PHACTR3: variants seen among roughly 807,000 people sequenced by gnomAD.
PHACTR3 encodes protein phosphatase 1, regulatory subunit 123.
In PHACTR3, 16 loss-of-function variants were observed where a neutral mutation model predicts 66.8. The ratio of observed to expected loss-of-function variants is 0.24; its 90% CI spans 0.16 to 0.36. PHACTR3 has a LOEUF of 0.36. PHACTR3 is among the 10% of genes least tolerant of loss of function. PHACTR3 has a pLI of 1.00. For missense variants in PHACTR3, 647 were observed against 719.9 expected, an observed-to-expected ratio of 0.90 and a Z score of 1.16; for synonymous variants, 323 against 292.1, an observed-to-expected ratio of 1.11 and a Z score of -1.08.
rs2059165970 is a variant in PHACTR3 at position 59,847,187 on chromosome 20, C to A, written c.*57C>A. The A allele has an allele frequency of 1.5e-6, 2 of 1,316,840 alleles. No homozygotes were observed. The highest frequency in any genetic ancestry group is 3.5e-5 in the Admixed American group (2 of 57,210). The allele number at this position is 1,316,840 out of a possible 1,614,324, so 81.6% of individuals were successfully genotyped here. ...TTTTTTGATACCAACACTGAACATT[C>A]ATCAGGGAACTTTCCTGAAGTTCAG... On this transcript the variant is annotated 3_prime_UTR_variant, in exon 13 of 13. Transcript: ENST00000371015.
chr20:59,759,132 T>C (rs894701726), intron 4 of PHACTR3, among the ~76,000 whole-genome samples: 2 of 152,158 alleles, frequency 1.3e-5, no homozygotes, highest in Non-Finnish European at 2.9e-5. Flanking sequence ...GTAGCATGTG[T>C]GTTTTGGGAT....
At chr20:59,817,661 C>G (rs1042512901) in intron 8 of PHACTR3, among the ~76,000 whole-genome samples, 1 of 152,210 alleles carries the variant, frequency 6.6e-6, no homozygotes, top group African/African-American at 2.4e-5. Flanking sequence ...CACTCTTGCT[C>G]AAGAGGGCAG....
chr20:59,670,458 G>A (rs372150353), intron 1 of PHACTR3, among the ~76,000 whole-genome samples: 29 of 152,244 alleles, frequency 1.9e-4, no homozygotes, highest in Middle Eastern at 3.4e-3. Context: ...GGGTGCAGTC[G>A]TCCCCTGCCC....
chr20:59,740,361 G>A (rs1024864426), intron 1 of PHACTR3, among the ~76,000 whole-genome samples: 3 of 152,028 alleles, frequency 2.0e-5, no homozygotes, highest in African/African-American at 4.8e-5. Flanking sequence ...CCAGGCTGGA[G>A]TACAGGTGCA....
At chr20:59,719,585 G>A (rs906502975) in intron 1 of PHACTR3, among the ~76,000 whole-genome samples, 3 of 152,088 alleles carry the variant, frequency 2.0e-5, no homozygotes, top group African/African-American at 4.8e-5. Context: ...GTAGCCTTTA[G>A]CCCACCTTCC....
chr20:59,690,633 A>T (rs568039130), intron 1 of PHACTR3, among the ~76,000 whole-genome samples: 1 of 151,950 alleles, frequency 6.6e-6, no homozygotes, highest in Non-Finnish European at 1.5e-5. Flanking sequence ...AGCAGGAAAT[A>T]TCTTCCTTCT....
chr20:59,588,567 T>C (rs111680912), intron 1 of PHACTR3, among the ~76,000 whole-genome samples: 15 of 152,338 alleles, frequency 9.8e-5, no homozygotes, highest in African/African-American at 3.1e-4. Flanking sequence ...CTTCTACTCA[T>C]GCTGGGGCAA....
At chr20:59,787,336 G>A (rs1462649951) in intron 7 of PHACTR3, among the ~76,000 whole-genome samples, 1 of 152,206 alleles carries the variant, frequency 6.6e-6, no homozygotes, top group Non-Finnish European at 1.5e-5. Context: ...GCTGGGGAGG[G>A]CACTGAGCTG....
At chr20:59,726,118 A>G (rs190568696) in intron 1 of PHACTR3, among the ~76,000 whole-genome samples, 1 of 152,360 alleles carries the variant, frequency 6.6e-6, no homozygotes, top group Non-Finnish European at 1.5e-5. Context: ...CAATCCCCAC[A>G]GCCAGATGCT....
chr20:59,618,218 G>A (rs915968047), intron 1 of PHACTR3, among the ~76,000 whole-genome samples: 1 of 152,218 alleles, frequency 6.6e-6, no homozygotes, highest in African/African-American at 2.4e-5. Context: ...GGAGTATGGC[G>A]GGATGGGGCT....
chr20:59,635,147 CTTTTTCTT>C (rs1270330903), intron 1 of PHACTR3, among the ~76,000 whole-genome samples: 1 of 24,282 alleles, frequency 4.1e-5, no homozygotes, highest in African/African-American at 1.5e-4. Context: ...TTCTTTCTTT[CTTTTTCTT>C]TCTTTCTTTC....
chr20:59,734,121 A>G lies in PHACTR3; in HGVS notation c.119-8986A>G, dbSNP rs148756988. ...TGGTCAGGTCCCCACACGCCTTCCT[A>G]AGCTCACCTATGTCAACTCTGTTCC... is the stretch of plus-strand genomic sequence containing the variant. On this transcript the variant is annotated intron_variant, in intron 1 of 12. Transcript: ENST00000371015. Among the ~76,000 whole-genome samples the G allele has an allele frequency of 9.1e-3, 1,387 of 152,170 alleles. 16 individuals carry two copies. Among genetic ancestry groups the G allele is most frequent in the African/African-American group, 0.031 (1,304 of 41,528 alleles).
intron 1 of PHACTR3, among the ~76,000 whole-genome samples, chr20:59,644,145 T>C (rs2035199569): frequency 6.6e-6 from 1 of 152,170 alleles, no homozygotes; most frequent in South Asian, 2.1e-4. Flanking sequence ...GCCTCCATTA[T>C]GAAGTCAAAG....
intron 1 of PHACTR3, among the ~76,000 whole-genome samples, chr20:59,711,320 G>A (rs972951191): frequency 1.3e-5 from 2 of 152,098 alleles, no homozygotes; most frequent in African/African-American, 2.4e-5. Flanking sequence ...TTTGAACAGC[G>A]TAAACTTTTT....
intron 1 of PHACTR3, among the ~76,000 whole-genome samples, chr20:59,595,893 T>C (rs1275352055): frequency 1.3e-5 from 2 of 152,214 alleles, no homozygotes; most frequent in Non-Finnish European, 2.9e-5. Flanking sequence ...GCCTTTCTTC[T>C]TTACTTTTAT....
intron 7 of PHACTR3, among the ~76,000 whole-genome samples, chr20:59,801,194 C>G (rs933847974): frequency 2.0e-5 from 3 of 152,212 alleles, no homozygotes; most frequent in African/African-American, 7.2e-5. Context: ...ATATTCTCAA[C>G]TCTGGGAGTT....
At chr20:59,729,385 C>G (rs898940874) in intron 1 of PHACTR3, among the ~76,000 whole-genome samples, 4 of 152,058 alleles carry the variant, frequency 2.6e-5, no homozygotes, top group African/African-American at 9.7e-5. Flanking sequence ...AAAAGGAGAC[C>G]GGGGCACGAG....
At chr20:59,727,900 C>G (rs1373708282) in intron 1 of PHACTR3, among the ~76,000 whole-genome samples, 3 of 152,162 alleles carry the variant, frequency 2.0e-5, no homozygotes, top group African/African-American at 4.8e-5. Flanking sequence ...ACCTGTAACA[C>G]CTGCCTCCTT....
intron 1 of PHACTR3, among the ~76,000 whole-genome samples, chr20:59,656,166 C>A (rs1285782207): frequency 6.6e-6 from 1 of 151,760 alleles, no homozygotes; most frequent in Non-Finnish European, 1.5e-5. Context: ...GTATATAGTT[C>A]ATTTATACTG....
Sources: allele counts gnomAD v4.1 joint callset (sites outside exome capture counted in the v4.1 genomes callset), GRCh38; gene constraint gnomAD v4.1.1; transcripts MANE v1.5; gene names NCBI Gene and HGNC (gene_info 2026-07-23, HGNC 2026-07-21).